The following IL1RAPL2 variants were observed in gnomAD, a reference collection of about 807,000 sequenced individuals.
IL1RAPL2 encodes interleukin 1 receptor accessory protein like 2.
IL1RAPL2 carries 3 observed loss-of-function variants against 44.1 expected under a neutral mutation model. The observed-to-expected ratio is 0.07, with a 90% confidence interval of 0.03 to 0.18. The LOEUF (loss-of-function observed/expected upper bound fraction) is 0.18. IL1RAPL2 is among the 10% of genes least tolerant of loss of function. The pLI is 1.00. For missense variants in IL1RAPL2, 391 were observed against 496.4 expected, an observed-to-expected ratio of 0.79 and a Z score of 2.02; for synonymous variants, 181 against 178.8, an observed-to-expected ratio of 1.01 and a Z score of -0.10.
intron 2 of IL1RAPL2, among the ~76,000 whole-genome samples, chrX:104,770,070 A>G (rs1327442294): frequency 2.7e-5 from 3 of 110,099 alleles, no homozygotes; most frequent in Admixed American, 2.0e-4. Flanking sequence ...TTTTTGTCCT[A>G]GGCCTATCTA....
intron 5 of IL1RAPL2, among the ~76,000 whole-genome samples, chrX:105,302,197 T>C (rs956564813): frequency 5.3e-5 from 6 of 112,192 alleles, no homozygotes; most frequent in Non-Finnish European, 9.4e-5. Flanking sequence ...TTTTGCCCAT[T>C]TTAAAATCAG....
chrX:105,005,006 C>T (rs2030916173), intron 2 of IL1RAPL2, among the ~76,000 whole-genome samples: 1 of 110,955 alleles, frequency 9.0e-6, no homozygotes. Context: ...ATTAAATCCC[C>T]CACGTATGTT....
chrX:105,508,513 T>C (rs993157277), intron 6 of IL1RAPL2, among the ~76,000 whole-genome samples: 7 of 110,343 alleles, frequency 6.3e-5, no homozygotes, highest in Non-Finnish European at 1.1e-4. Flanking sequence ...TTGAATATCA[T>C]AAGGTTTACC....
At chrX:104,774,605 C>T (rs1178742137) in intron 2 of IL1RAPL2, among the ~76,000 whole-genome samples, 2 of 112,017 alleles carry the variant, frequency 1.8e-5, no homozygotes, top group African/African-American at 6.5e-5. Context: ...CTGCAGAGTG[C>T]CAGTGCAGCA....
chrX:104,838,718 T>C (rs1165316514), intron 2 of IL1RAPL2, among the ~76,000 whole-genome samples: 1 of 110,816 alleles, frequency 9.0e-6, no homozygotes, highest in Non-Finnish European at 1.9e-5. Flanking sequence ...CCTTTATTTC[T>C]TTCTGTTGCT....
intron 2 of IL1RAPL2, among the ~76,000 whole-genome samples, chrX:104,734,280 G>A (rs1473036667): frequency 1.8e-5 from 2 of 112,126 alleles, no homozygotes; most frequent in Non-Finnish European, 3.8e-5. Flanking sequence ...CCGTACAACT[G>A]AGCAATTGCG....
At chrX:104,759,608 C>A (rs1569309356) in intron 2 of IL1RAPL2, among the ~76,000 whole-genome samples, 1 of 110,712 alleles carries the variant, frequency 9.0e-6, no homozygotes, top group Non-Finnish European at 1.9e-5. Context: ...CTGTGAAAAC[C>A]AGAGGCTTTC....
At chrX:105,220,044 C>T in intron 3 of IL1RAPL2, 2 of 1,211,736 alleles carry the variant, frequency 1.7e-6, no homozygotes, top group Non-Finnish European at 1.1e-6. Flanking sequence ...GTTCCGTCTC[C>T]TGCTGCTCCC....
At chrX:105,513,907 T>G (rs1049321785) in intron 6 of IL1RAPL2, among the ~76,000 whole-genome samples, 1 of 111,441 alleles carries the variant, frequency 9.0e-6, no homozygotes, top group Non-Finnish European at 1.9e-5. Flanking sequence ...TTTTAAGTCT[T>G]ACGTTTAAGT....
chrX:105,598,421 C>T (rs917783184), intron 6 of IL1RAPL2, among the ~76,000 whole-genome samples: 2 of 110,358 alleles, frequency 1.8e-5, no homozygotes, highest in Non-Finnish European at 3.8e-5. Flanking sequence ...ATATTGTATA[C>T]TGGAAACTTT....
chrX:105,739,023 G>T (rs1198610014), intron 7 of IL1RAPL2, among the ~76,000 whole-genome samples: 1 of 110,771 alleles, frequency 9.0e-6, no homozygotes, highest in African/African-American at 3.3e-5. Flanking sequence ...CAGAGAGCAG[G>T]CTTCTCACTA....
chrX:104,761,281 AAGG>A (rs1336755594), intron 2 of IL1RAPL2, among the ~76,000 whole-genome samples: 2 of 111,294 alleles, frequency 1.8e-5, no homozygotes, highest in African/African-American at 6.5e-5. Flanking sequence ...TGGTGGCAGG[AAGG>A]AGAAGTGCAA....
intron 5 of IL1RAPL2, among the ~76,000 whole-genome samples, chrX:105,415,963 C>G (rs1250536598): frequency 9.0e-6 from 1 of 111,626 alleles, no homozygotes; most frequent in African/African-American, 3.3e-5. Context: ...AATCCTCTAC[C>G]TTTAATAAAA....
chrX:104,956,001 C>T (rs1254276849), intron 2 of IL1RAPL2, among the ~76,000 whole-genome samples: 2 of 112,006 alleles, frequency 1.8e-5, no homozygotes, highest in East Asian at 5.6e-4. Context: ...AAGTGTATAA[C>T]AAAGAGTGGG....
intron 2 of IL1RAPL2, among the ~76,000 whole-genome samples, chrX:104,937,654 A>T (rs895650511): frequency 3.6e-5 from 4 of 112,026 alleles, no homozygotes; most frequent in Admixed American, 9.5e-5. Flanking sequence ...TGAATTTTTG[A>T]TGAACATCTG....
chrX:105,531,770 C>T (rs1223870801), intron 6 of IL1RAPL2, among the ~76,000 whole-genome samples: 1 of 111,853 alleles, frequency 8.9e-6, no homozygotes, highest in African/African-American at 3.3e-5. Context: ...CATTCTCCTA[C>T]ATATGGATAT....
intron 2 of IL1RAPL2, among the ~76,000 whole-genome samples, chrX:104,951,169 G>T (rs192136458): frequency 3.9e-4 from 44 of 111,980 alleles, no homozygotes; most frequent in Admixed American, 3.4e-3. Flanking sequence ...GCTGTAGACC[G>T]GAGCTGTTCC....
chrX:104,749,042 A>C (rs932216174), intron 2 of IL1RAPL2, among the ~76,000 whole-genome samples: 2 of 111,058 alleles, frequency 1.8e-5, no homozygotes, highest in Non-Finnish European at 3.8e-5. Flanking sequence ...TAAATTCATC[A>C]ATCAGAGGGA....
chrX:104,952,707 A>G (rs1433762426), intron 2 of IL1RAPL2, among the ~76,000 whole-genome samples: 3 of 111,738 alleles, frequency 2.7e-5, no homozygotes, highest in African/African-American at 9.8e-5. Context: ...TGCATTCATC[A>G]GCTGATAAAG....
Sources: allele counts gnomAD v4.1 joint callset (sites outside exome capture counted in the v4.1 genomes callset), GRCh38; gene constraint gnomAD v4.1.1; transcripts MANE v1.5; gene names NCBI Gene and HGNC (gene_info 2026-07-23, HGNC 2026-07-21).